The following CXCL13 variants were observed in gnomAD, a reference collection of about 807,000 sequenced individuals.
The protein encoded by CXCL13 is C-X-C motif chemokine ligand 13, also known as C-X-C motif chemokine 13.
A neutral mutation model predicts 12.2 loss-of-function variants in CXCL13; 7 were observed. The ratio of observed to expected loss-of-function variants is 0.57; its 90% CI spans 0.33 to 1.07. CXCL13 has a LOEUF of 1.07. Among genes scored for constraint, CXCL13 ranks in the 50% least tolerant of loss-of-function variants. The pLI is 0.04. For synonymous variants in CXCL13, 47 were observed against 42.4 expected, an observed-to-expected ratio of 1.11 and a Z score of -0.42; for missense variants, 113 against 127.4, an observed-to-expected ratio of 0.89 and a Z score of 0.55.
chr4:77,523,732 C>CAAA (rs1724681627), intron 1 of CXCL13, among the ~76,000 whole-genome samples: 2 of 152,232 alleles, frequency 1.3e-5, no homozygotes, highest in African/African-American at 2.4e-5. Flanking sequence ...AAGTCATTCT[C>CAAA]TGTCCAGCTT....
chr4:77,572,244 T>A (rs923106125), intron 1 of CXCL13, among the ~76,000 whole-genome samples: 2 of 151,622 alleles, frequency 1.3e-5, no homozygotes, highest in Non-Finnish European at 2.9e-5. Context: ...CCCCTAAAAA[T>A]GTAAAAATTA....
chr4:77,524,165 C>T (rs1158437852), intron 1 of CXCL13, among the ~76,000 whole-genome samples: 2 of 152,140 alleles, frequency 1.3e-5, no homozygotes, highest in Non-Finnish European at 2.9e-5. Context: ...GAGATGTCTC[C>T]CAGTTAGGCT....
At chr4:77,588,273 A>G (rs1327353060) in intron 1 of CXCL13, among the ~76,000 whole-genome samples, 1 of 152,238 alleles carries the variant, frequency 6.6e-6, no homozygotes, top group East Asian at 1.9e-4. Context: ...GAATTTGGGT[A>G]CATACTTTCT....
At chr4:77,587,036 C>T (rs779532166) in intron 1 of CXCL13, among the ~76,000 whole-genome samples, 11 of 152,112 alleles carry the variant, frequency 7.2e-5, no homozygotes, top group Admixed American at 5.2e-4. Context: ...CAGTATGGGG[C>T]GGCTGCTGCT....
chr4:77,539,248 G>A (rs899668945), intron 1 of CXCL13, among the ~76,000 whole-genome samples: 4 of 152,018 alleles, frequency 2.6e-5, no homozygotes, highest in Non-Finnish European at 5.9e-5. Flanking sequence ...CCAGTGAAGG[G>A]ACTGGCCAAT....
rs115787528 is a variant in CXCL13 at position 77,553,767 on chromosome 4, G to A, written c.-43+41979G>A. ...CTTTGTGTACTACCTCGCTGTTTCC[G>A]AGTGGATGAGGCATGCTGAAAGCCT... On this transcript the variant is annotated intron_variant, in intron 1 of 4. Transcript: ENST00000286758. Among the ~76,000 whole-genome samples the A allele has an allele frequency of 7.3e-3, 1,104 of 152,238 alleles. 17 individuals are homozygous for A. The highest frequency in any genetic ancestry group is 0.025 in the African/African-American group (1,046 of 41,530).
At chr4:77,600,922 T>TA (rs1207910098), upstream of CXCL13, among the ~76,000 whole-genome samples, 2 of 152,298 alleles carry the variant, frequency 1.3e-5, no homozygotes, top group East Asian at 3.9e-4. Flanking sequence ...ACAATATTTT[T>TA]AAAGCAATAA....
At chr4:77,597,523 C>T (rs767230253) in intron 1 of CXCL13, among the ~76,000 whole-genome samples, 3 of 152,110 alleles carry the variant, frequency 2.0e-5, no homozygotes, top group Non-Finnish European at 4.4e-5. Flanking sequence ...GGACAATTTC[C>T]TAAGGCAGGA....
At chr4:77,516,354 A>T (rs930935540) in intron 1 of CXCL13, among the ~76,000 whole-genome samples, 1 of 151,912 alleles carries the variant, frequency 6.6e-6, no homozygotes, top group South Asian at 2.1e-4. Context: ...CTCTTTTTCT[A>T]TTGATTGGAA....
At chr4:77,607,878 T>C (rs1163513644) in intron 2 of CXCL13, 43 bp downstream of exon 2, 7 of 1,580,676 alleles carry the variant, frequency 4.4e-6, no homozygotes, top group Non-Finnish European at 6.1e-6. Context: ...CTTCTCCCAA[T>C]GAAATCAGAT....
chr4:77,558,360 T>C (rs1681804010), intron 1 of CXCL13, among the ~76,000 whole-genome samples: 1 of 152,126 alleles, frequency 6.6e-6, no homozygotes, highest in African/African-American at 2.4e-5. Context: ...GAACTACTTC[T>C]AATTTTTTTT....
intron 1 of CXCL13, 152 bp from the exon 2 acceptor site, chr4:77,607,551 G>A: frequency 1.6e-6 from 1 of 639,522 alleles, no homozygotes; most frequent in Non-Finnish European, 2.6e-6. Flanking sequence ...GCCAAGACAA[G>A]CAGAAATATA....
intron 1 of CXCL13, among the ~76,000 whole-genome samples, chr4:77,529,423 C>A (rs1441245148): frequency 6.6e-6 from 1 of 152,138 alleles, no homozygotes; most frequent in Non-Finnish European, 1.5e-5. Context: ...ATGGAATATT[C>A]TTCCATTTGT....
intron 1 of CXCL13, among the ~76,000 whole-genome samples, chr4:77,583,011 T>C (rs1380333767): frequency 6.6e-6 from 1 of 152,194 alleles, no homozygotes; most frequent in South Asian, 2.1e-4. Context: ...AGTCATGCTG[T>C]TACTGGGGTT....
At chr4:77,553,874 A>T (rs1725593259) in intron 1 of CXCL13, among the ~76,000 whole-genome samples, 1 of 152,174 alleles carries the variant, frequency 6.6e-6, no homozygotes, top group South Asian at 2.1e-4. Flanking sequence ...TGAAATATCT[A>T]GTGTACAATG....
At chr4:77,541,773 A>ACCAT (rs1391861224) in intron 1 of CXCL13, among the ~76,000 whole-genome samples, 2 of 152,224 alleles carry the variant, frequency 1.3e-5, no homozygotes, top group Non-Finnish European at 2.9e-5. Context: ...GTAGCTTAAT[A>ACCAT]TGAATACCAT....
At chr4:77,567,265 G>T (rs1239935912) in intron 1 of CXCL13, among the ~76,000 whole-genome samples, 1 of 152,084 alleles carries the variant, frequency 6.6e-6, no homozygotes, top group African/African-American at 2.4e-5. Flanking sequence ...ACCACCCTTT[G>T]CTGACTCTCT....
rs886924130 is a variant in CXCL13, at chr4:77,573,174, C to A, written c.-42-32650C>A. Among the ~76,000 whole-genome samples, 31 of 151,804 alleles carry A rather than the reference C, an allele frequency of 2.0e-4. 1 individual carries two copies. The highest frequency in any genetic ancestry group is 7.3e-4 in the African/African-American group (30 of 41,124). ...CTGGATGTTGAAATAATCTGTACAG[C>A]AAACCCCTATGACACAAGTTTACCT... On this transcript the variant is annotated intron_variant, in intron 1 of 4. Coordinates refer to the CXCL13 transcript ENST00000286758.
At chr4:77,530,811 T>G (rs899980315) in intron 1 of CXCL13, among the ~76,000 whole-genome samples, 1 of 152,188 alleles carries the variant, frequency 6.6e-6, no homozygotes, top group Non-Finnish European at 1.5e-5. Context: ...TCTTGCCTTC[T>G]GCTAGCTTTT....
Sources: gnomAD v4.1 joint callset for allele counts (sites outside exome capture counted in the v4.1 genomes callset) on GRCh38, gnomAD v4.1.1 for gene constraint, MANE v1.5 for transcripts, NCBI Gene and HGNC (gene_info 2026-07-23, HGNC 2026-07-21) for gene names.